KCNJ6: variants seen among roughly 807,000 people sequenced by gnomAD.
KCNJ6 encodes potassium inwardly rectifying channel subfamily J member 6.
KCNJ6 carries 9 observed loss-of-function variants against 34.2 expected under a neutral mutation model. The observed-to-expected ratio is 0.26, with a 90% CI of 0.16 to 0.46. The LOEUF (loss-of-function observed/expected upper bound fraction) is 0.46, where lower values mean the gene tolerates loss of function less well. Ranked by LOEUF, KCNJ6 falls within the 20% of genes least tolerant of loss-of-function variation. KCNJ6 has a pLI of 1.00. For synonymous variants in KCNJ6, 196 were observed against 207.1 expected, an observed-to-expected ratio of 0.95 and a Z score of 0.46; for missense variants, 236 against 531.3, an observed-to-expected ratio of 0.44 and a Z score of 5.46.
chr21:37,630,515 A>C (rs897632233), intron 3 of KCNJ6, among the ~76,000 whole-genome samples: 1 of 152,218 alleles, frequency 6.6e-6, no homozygotes, highest in African/African-American at 2.4e-5. Flanking sequence ...TTATTAAATA[A>C]AAAGATGGCT....
In KCNJ6 at chr21:37,722,209, A is replaced by G. The variant is rs183188372; in HGVS notation, c.26-7078T>C. On this transcript the variant is annotated intron_variant, in intron 2 of 3. Coordinates refer to ENST00000609713, the MANE Select transcript of KCNJ6 (RefSeq NM_002240.5). The stretch of plus-strand genomic sequence containing the variant: ...AAATCCCACTTATCATAGCCACACA[A>G]AAATAAAACACCTAGGAATATATCT... Among the ~76,000 whole-genome samples, 8 of 152,300 alleles carry G rather than the reference A, an allele frequency of 5.3e-5. No homozygotes were observed. In the East Asian group the frequency reaches 1.5e-3, roughly 29 times the overall value.
chr21:37,735,924 C>T (rs2054910556), intron 2 of KCNJ6, among the ~76,000 whole-genome samples: 1 of 152,204 alleles, frequency 6.6e-6, no homozygotes, highest in Non-Finnish European at 1.5e-5. Flanking sequence ...GGAGCCCCAT[C>T]TATGGGATGA....
At chr21:37,818,207 C>CGTGTGTGTGTGTGTGTGTGTGTGTGT (rs1281572811) in intron 2 of KCNJ6, among the ~76,000 whole-genome samples, 1 of 80,960 alleles carries the variant, frequency 1.2e-5, no homozygotes, top group Non-Finnish European at 2.5e-5. Context: ...TGTGTGTGTG[C>CGTGTGTGTGTGTGTGTGTGTGTGTGT]GTGCGTGTGT....
At chr21:37,823,156 C>T (rs900739353) in intron 2 of KCNJ6, among the ~76,000 whole-genome samples, 3 of 152,090 alleles carry the variant, frequency 2.0e-5, no homozygotes, top group African/African-American at 7.2e-5. Flanking sequence ...CAGGCCAGCA[C>T]CTGCCGAACC....
intron 3 of KCNJ6, among the ~76,000 whole-genome samples, chr21:37,660,064 G>A (rs774627134): frequency 3.9e-5 from 6 of 152,240 alleles, no homozygotes; most frequent in Non-Finnish European, 7.3e-5. Flanking sequence ...CCTGGGGCAG[G>A]TGCTAACCCC....
chr21:37,873,140 A>T (rs2055660714), intron 1 of KCNJ6, among the ~76,000 whole-genome samples: 3 of 152,332 alleles, frequency 2.0e-5, no homozygotes. Context: ...ACTCTGGAAC[A>T]CAGTGACGAC....
intron 3 of KCNJ6, among the ~76,000 whole-genome samples, chr21:37,643,665 T>A (rs2123379653): frequency 6.6e-6 from 1 of 152,298 alleles, no homozygotes; most frequent in Non-Finnish European, 1.5e-5. Flanking sequence ...AAGCTAAATT[T>A]GTCATCCTGT....
At chr21:37,908,763 C>T (rs1001130081) in intron 1 of KCNJ6, among the ~76,000 whole-genome samples, 1 of 152,210 alleles carries the variant, frequency 6.6e-6, no homozygotes, top group Non-Finnish European at 1.5e-5. Context: ...GATTCAAGGG[C>T]ACCAGGAAAT....
In KCNJ6 at chr21:37,610,918, C is replaced by A. The variant is rs1161588481; in HGVS notation, c.*14241G>T. 1 of 151,606 alleles carries A rather than the reference C, an allele frequency of 6.6e-6. No homozygotes were observed. The highest frequency in any genetic ancestry group is 6.6e-5 in the Admixed American group (1 of 15,228). 9.4% of individuals were successfully genotyped at this position (151,606 alleles called of 1,614,324 possible). A position where few individuals can be genotyped will look rare whatever the true frequency, so the allele number is the denominator to read the frequency against. On this transcript the variant is annotated 3_prime_UTR_variant, in exon 4 of 4. Coordinates refer to ENST00000609713, the MANE Select transcript of KCNJ6 (RefSeq NM_002240.5). ...ATCTGAAATCAATCATTTAAGTTTC[C>A]ATTTTAAAAAAGTAGAAAAAAAGAG...
At chr21:37,867,950 C>G (rs2123609440) in intron 1 of KCNJ6, among the ~76,000 whole-genome samples, 1 of 152,298 alleles carries the variant, frequency 6.6e-6, no homozygotes, top group Middle Eastern at 3.4e-3. Context: ...TAGCAGGTAG[C>G]TGGGGACAGA....
intron 1 of KCNJ6, among the ~76,000 whole-genome samples, chr21:37,869,269 C>T (rs2055638381): frequency 6.6e-6 from 1 of 152,240 alleles, no homozygotes; most frequent in Non-Finnish European, 1.5e-5. Context: ...ATGAGTGACC[C>T]CTCTTCTAAC....
intron 2 of KCNJ6, among the ~76,000 whole-genome samples, chr21:37,757,583 C>T (rs2055036171): frequency 6.7e-6 from 1 of 149,868 alleles, no homozygotes; most frequent in Non-Finnish European, 1.5e-5. Context: ...AGTGAGCACT[C>T]CCTCACAGAT....
intron 3 of KCNJ6, among the ~76,000 whole-genome samples, chr21:37,708,417 C>T (rs1426730483): frequency 1.3e-5 from 2 of 152,128 alleles, no homozygotes; most frequent in African/African-American, 2.4e-5. Context: ...AGTTTTTACC[C>T]AGCCAGCCAA....
intron 3 of KCNJ6, among the ~76,000 whole-genome samples, chr21:37,689,988 A>G (rs1242578606): frequency 6.6e-6 from 1 of 152,210 alleles, no homozygotes; most frequent in East Asian, 1.9e-4. Flanking sequence ...AATTTTAGAT[A>G]AATTATTTCA....
At chr21:37,727,838 T>C (rs1240350390) in intron 2 of KCNJ6, among the ~76,000 whole-genome samples, 1 of 152,106 alleles carries the variant, frequency 6.6e-6, no homozygotes, top group Non-Finnish European at 1.5e-5. Context: ...CATTTTTGAG[T>C]GTGAATTTCA....
At chr21:37,749,948 G>A (rs1289139026) in intron 2 of KCNJ6, among the ~76,000 whole-genome samples, 1 of 152,120 alleles carries the variant, frequency 6.6e-6, no homozygotes, top group Admixed American at 6.5e-5. Flanking sequence ...CCAACTATCT[G>A]CAAAACATCT....
At chr21:37,819,798 A>G (rs1601487090) in intron 2 of KCNJ6, among the ~76,000 whole-genome samples, 1 of 54,326 alleles carries the variant, frequency 1.8e-5, no homozygotes, top group Non-Finnish European at 3.1e-5. Context: ...TGTTAAATAC[A>G]CTTTTTTTTT....
intron 2 of KCNJ6, among the ~76,000 whole-genome samples, chr21:37,805,970 A>G (rs1234913976): frequency 6.6e-6 from 1 of 152,146 alleles, no homozygotes; most frequent in African/African-American, 2.4e-5. Flanking sequence ...CAAGTGAATA[A>G]ATTTCTGTTG....
chr21:37,634,854 G>A (rs1470995170), intron 3 of KCNJ6, among the ~76,000 whole-genome samples: 1 of 151,504 alleles, frequency 6.6e-6, no homozygotes, highest in African/African-American at 2.4e-5. Context: ...TCCCTCCTGG[G>A]TTCAAGTGAT....
Sources: allele counts gnomAD v4.1 joint callset (sites outside exome capture counted in the v4.1 genomes callset), GRCh38; gene constraint gnomAD v4.1.1; transcripts MANE v1.5; gene names NCBI Gene and HGNC (gene_info 2026-07-23, HGNC 2026-07-21).